The following NCR1 variants were observed in gnomAD, a reference collection of about 807,000 sequenced individuals.
NCR1 encodes the protein NK cell-activating receptor.
NCR1 carries 30 observed loss-of-function variants against 32.5 expected under a neutral mutation model. The observed-to-expected ratio is 0.92, with a 90% CI of 0.69 to 1.25. The LOEUF (loss-of-function observed/expected upper bound fraction) is 1.25, where lower values mean the gene tolerates loss of function less well. NCR1 is among the 50% of genes most tolerant of loss of function. The pLI is 0.00. For missense variants in NCR1, 369 were observed against 380.7 expected (o/e 0.97, Z 0.26); for synonymous variants, 169 against 143.4 (o/e 1.18, Z -1.28).
chr19:54,933,678 T>C, the NCR1 span: 4 of 1,614,204 alleles, frequency 2.5e-6, no homozygotes, highest in Non-Finnish European at 1.7e-6. Flanking sequence ...AGCTTCTTGC[T>C]GACAACCAAG....
At chr19:54,934,031 C>T in the NCR1 span, among the ~76,000 whole-genome samples, 2 of 152,184 alleles carry the variant, frequency 1.3e-5, no homozygotes, top group African/African-American at 2.4e-5. This position sits in a 1 kb window ranked among gnomAD's most constrained non-coding sequence, Gnocchi z 6.7. Flanking sequence ...CCAATCGCCG[C>T]CTCCCAGGTT....
At chr19:54,931,229 C>A in the NCR1 span, among the ~76,000 whole-genome samples, 1 of 152,118 alleles carries the variant, frequency 6.6e-6, no homozygotes, top group East Asian at 1.9e-4. Flanking sequence ...CAAGACCAGC[C>A]TGGCCAACAT....
downstream of NCR1, among the ~76,000 whole-genome samples, chr19:54,917,770 T>C (rs2068164782): frequency 6.6e-6 from 1 of 152,112 alleles, no homozygotes; most frequent in Non-Finnish European, 1.5e-5. Flanking sequence ...GGGGTGCTGC[T>C]CAGCTTCCTA....
chr19:54,926,237 C>T, the NCR1 span, among the ~76,000 whole-genome samples: 3,216 of 125,566 alleles, frequency 0.026, 97 homozygotes, highest in African/African-American at 0.083. Context: ...TGCTCATGCA[C>T]ACACATACAC....
chr19:54,926,717 A>G, the NCR1 span, among the ~76,000 whole-genome samples: 1 of 152,000 alleles, frequency 6.6e-6, no homozygotes, highest in Non-Finnish European at 1.5e-5. Flanking sequence ...GGAGCTCGAG[A>G]CCAGCCTGGC....
At chr19:54,899,339 A>G in the NCR1 span, among the ~76,000 whole-genome samples, 3 of 152,082 alleles carry the variant, frequency 2.0e-5, no homozygotes, top group Non-Finnish European at 2.9e-5. Flanking sequence ...TAGGTTTTTA[A>G]GAACACAGGC....
the NCR1 span, chr19:54,934,361 C>G: frequency 3.2e-6 from 3 of 933,390 alleles, no homozygotes; most frequent in South Asian, 1.3e-5. This position sits in a 1 kb window ranked among gnomAD's most constrained non-coding sequence, Gnocchi z 6.7. Context: ...GCCACCGTGC[C>G]GGGCCTGAAG....
downstream of NCR1, among the ~76,000 whole-genome samples, chr19:54,919,872 T>C (rs1458912311): frequency 6.6e-6 from 1 of 152,218 alleles, no homozygotes; most frequent in Non-Finnish European, 1.5e-5. Context: ...GGTGGCCCTG[T>C]CCGGGCATAA....
At chr19:54,934,890 T>C in the NCR1 span, among the ~76,000 whole-genome samples, 17 of 152,176 alleles carry the variant, frequency 1.1e-4, 1 homozygote, top group Middle Eastern at 0.01. This position sits in a 1 kb window ranked among gnomAD's most constrained non-coding sequence, Gnocchi z 6.7. Flanking sequence ...AGAGACGGGA[T>C]TTCACCATGT....
the NCR1 span, chr19:54,937,956 AACAGC>A: frequency 1.0e-6 from 1 of 996,858 alleles, no homozygotes; most frequent in Non-Finnish European, 1.6e-6. Flanking sequence ...ATGGAGATGA[AACAGC>A]ACATTTCCAA....
the NCR1 span, among the ~76,000 whole-genome samples, chr19:54,898,762 G>A: frequency 6.6e-6 from 1 of 152,130 alleles, no homozygotes; most frequent in Non-Finnish European, 1.5e-5. Context: ...TCTGATTTGG[G>A]AGAGGTCAGA....
chr19:54,909,179 A>G (rs1309176042), intron 3 of NCR1, 66 bp from the exon 4 acceptor site: 3 of 867,194 alleles, frequency 3.5e-6, no homozygotes, highest in Non-Finnish European at 4.8e-6. Flanking sequence ...CTAAAGAAAG[A>G]AAAAAAAAAA....
chr19:54,931,830 CAGAG>C, the NCR1 span, among the ~76,000 whole-genome samples: 1 of 128,088 alleles, frequency 7.8e-6, no homozygotes, highest in East Asian at 2.5e-4. Flanking sequence ...AGCCTGGTGA[CAGAG>C]AGAGACTGTT....
chr19:54,917,250 G>C (rs1037981503), downstream of NCR1, among the ~76,000 whole-genome samples: 1 of 151,652 alleles, frequency 6.6e-6, no homozygotes, highest in Admixed American at 6.6e-5. Context: ...GGGAGGCAGA[G>C]GTTGCAGTGA....
At chr19:54,936,597 G>A in the NCR1 span, among the ~76,000 whole-genome samples, 1 of 151,998 alleles carries the variant, frequency 6.6e-6, no homozygotes, top group Admixed American at 6.6e-5. Flanking sequence ...TGAGGCAGGA[G>A]GATAACCTGA....
downstream of NCR1, among the ~76,000 whole-genome samples, chr19:54,918,632 G>GCCCA (rs963381385): frequency 2.6e-5 from 4 of 151,942 alleles, no homozygotes; most frequent in Non-Finnish European, 5.9e-5. Context: ...AGACTCTGAA[G>GCCCA]CCCATTACAT....
chr19:54,902,783 T>C (rs970965473), upstream of NCR1, among the ~76,000 whole-genome samples: 9 of 152,198 alleles, frequency 5.9e-5, no homozygotes, highest in East Asian at 1.5e-3. Context: ...CCCAGAGTTA[T>C]GACAGCTGTG....
chr19:54,916,791 G>A (rs1400389240), downstream of NCR1, among the ~76,000 whole-genome samples: 3 of 127,102 alleles, frequency 2.4e-5, no homozygotes, highest in South Asian at 2.7e-4. Context: ...TGCAACCTCC[G>A]CTTTCCGGGT....
upstream of NCR1, among the ~76,000 whole-genome samples, chr19:54,903,457 TATGTATGTATACACGGATAC>T (rs1448830614): frequency 1.8e-5 from 2 of 112,928 alleles, no homozygotes; most frequent in African/African-American, 6.6e-5. Flanking sequence ...TATATACATA[TATGTATGTATACACGGATAC>T]ATGTATGTAT....
Sources: gnomAD v4.1 joint callset for allele counts (sites outside exome capture counted in the v4.1 genomes callset) on GRCh38, gnomAD v4.1.1 for gene constraint, Gnocchi (gnomAD v3.1) non-coding constraint, MANE v1.5 for transcripts, NCBI Gene and HGNC (gene_info 2026-07-23, HGNC 2026-07-21) for gene names.